CYREN: variants seen among roughly 807,000 people sequenced by gnomAD.
CYREN encodes cell cycle regulator of non-homologous end joining.
Under a neutral mutation model 9.7 loss-of-function variants are expected in CYREN, and 7 were observed. The ratio of observed to expected loss-of-function variants is 0.72; its 90% CI spans 0.41 to 1.36. CYREN has a LOEUF of 1.36. Among genes scored for constraint, CYREN ranks in the 40% most tolerant of loss-of-function variants. CYREN has a pLI of 0.01. For synonymous variants in CYREN, 76 were observed against 77.9 expected (o/e 0.98, Z 0.13); for missense variants, 215 against 198.1 (o/e 1.09, Z -0.51).
chr7:135,115,460 G>A, intron 2 of CYREN: 1 of 1,549,534 alleles, frequency 6.5e-7, no homozygotes, highest in Non-Finnish European at 8.7e-7. Context: ...TTGGACAGAT[G>A]ATGAAAAAAG....
At chr7:135,099,843 T>G (rs1823497549) in intron 2 of CYREN, 1 of 151,854 alleles carries the variant, frequency 6.6e-6, no homozygotes. Flanking sequence ...AGTTAGATAT[T>G]TATTTCTGTG....
chr7:135,110,566 C>A (rs1049459091), intron 2 of CYREN, among the ~76,000 whole-genome samples: 1 of 152,172 alleles, frequency 6.6e-6, no homozygotes, highest in Non-Finnish European at 1.5e-5. Context: ...CACTCACTGA[C>A]TCACCCCTTC....
intron 2 of CYREN, among the ~76,000 whole-genome samples, chr7:135,096,436 A>C: frequency 6.6e-6 from 1 of 151,908 alleles, no homozygotes. Flanking sequence ...AGAAAGAGAT[A>C]TATATGGCTA....
Position 135,107,726 on chromosome 7 carries a change from C to A in CYREN, n.357-13144G>T, listed in dbSNP as rs192177019. 1.3e-3 allele frequency among the ~76,000 whole-genome samples: 199 copies of A among 152,218 alleles called. 1 individual carries two copies. The highest frequency in any genetic ancestry group is 6.8e-3 in the Middle Eastern group (2 of 294). On this transcript the variant is annotated intron_variant and non_coding_transcript_variant, in intron 2 of 2. Coordinates refer to the CYREN transcript ENST00000459937. ...GATGGAGAGTTCTGTAGATGTCTAT[C>A]AGATCTATTTGGTCCAATGTTGGAT... is the stretch of plus-strand genomic sequence containing the variant.
chr7:135,156,584 T>C (rs976554985), intron 2 of CYREN, among the ~76,000 whole-genome samples: 2 of 152,162 alleles, frequency 1.3e-5, no homozygotes, highest in Non-Finnish European at 2.9e-5. Flanking sequence ...GTCTATCTCC[T>C]TGATAAATTT....
intron 2 of CYREN, among the ~76,000 whole-genome samples, chr7:135,148,554 G>A (rs376943495): frequency 2.8e-4 from 43 of 152,210 alleles, no homozygotes; most frequent in East Asian, 1.2e-3. Flanking sequence ...AAACGATGCA[G>A]GGCTGACTGC....
In CYREN at chr7:135,151,325, T is replaced by C. The variant is rs964729684; in HGVS notation, n.356+17424A>G. Among the ~76,000 whole-genome samples, 1 of 152,152 alleles carries C rather than the reference T, an allele frequency of 6.6e-6. No homozygotes were observed. The highest frequency in any genetic ancestry group is 1.5e-5 in the Non-Finnish European group (1 of 68,020). ...GGACTCATGTTTCTACCAAAGGAAA[T>C]ATGACACATTTCCCTTTCTTCTTCC... On this transcript the variant is annotated intron_variant and non_coding_transcript_variant, in intron 2 of 2. Coordinates refer to the CYREN transcript ENST00000459937. This position sits in a 1 kb window ranked among gnomAD's most constrained non-coding sequence, Gnocchi z 4.3.
At chr7:135,109,727 G>A (rs1304809188) in intron 2 of CYREN, among the ~76,000 whole-genome samples, 1 of 152,232 alleles carries the variant, frequency 6.6e-6, no homozygotes, top group East Asian at 1.9e-4. Flanking sequence ...ATGGGATCCA[G>A]TGCCTGTGTG....
intron 2 of CYREN, among the ~76,000 whole-genome samples, chr7:135,126,699 C>T (rs1009925398): frequency 2.0e-5 from 3 of 152,178 alleles, no homozygotes; most frequent in African/African-American, 7.2e-5. Flanking sequence ...GAACGGAGAC[C>T]TCAGAAATAA....
At chr7:135,159,034 TAA>T (rs1364146926) in intron 2 of CYREN, among the ~76,000 whole-genome samples, 1 of 152,270 alleles carries the variant, frequency 6.6e-6, no homozygotes, top group African/African-American at 2.4e-5. Flanking sequence ...GCCAAGATTA[TAA>T]AAGTTTGTTT....
intron 2 of CYREN, among the ~76,000 whole-genome samples, chr7:135,096,558 A>AAGAAAGATAGATAGATAGATAGAT (rs1303741491): frequency 1.3e-4 from 10 of 79,782 alleles, no homozygotes; most frequent in East Asian, 6.1e-4. Flanking sequence ...GAAAGAAAGA[A>AAGAAAGATAGATAGATAGATAGAT]AGATAGATAG....
intron 2 of CYREN, among the ~76,000 whole-genome samples, chr7:135,127,210 A>G (rs529457376): frequency 6.6e-6 from 1 of 151,840 alleles, no homozygotes; most frequent in African/African-American, 2.4e-5. Flanking sequence ...TGGGCAAAGG[A>G]TATGAAGACG....
rs1415378256 is a variant in CYREN at position 135,151,303 on chromosome 7, C to G, written n.356+17446G>C. On this transcript the variant is annotated intron_variant and non_coding_transcript_variant, in intron 2 of 2. Transcript: ENST00000459937. This position sits in a 1 kb window ranked among gnomAD's most constrained non-coding sequence, Gnocchi z 4.3. ...GTTTTGAAAAGAATTAGAACCTGGACTCATGTTTCTACCAAAGGAAATATG... is the reference window on the plus strand; with the variant it reads ...GTTTTGAAAAGAATTAGAACCTGGAGTCATGTTTCTACCAAAGGAAATATG... 6.6e-6 allele frequency among the ~76,000 whole-genome samples: 1 copy of G among 152,174 alleles called. No individual in the cohort carries two copies. Among genetic ancestry groups the G allele is most frequent in the African/African-American group, 2.4e-5 (1 of 41,450 alleles).
At chr7:135,122,810 C>T (rs112461391) in intron 2 of CYREN, among the ~76,000 whole-genome samples, 2 of 151,986 alleles carry the variant, frequency 1.3e-5, no homozygotes, top group African/African-American at 4.8e-5. Flanking sequence ...GGGACCTGAC[C>T]AATGAAAGAA....
At chr7:135,095,021 G>A (rs974702876) in intron 2 of CYREN, among the ~76,000 whole-genome samples, 2 of 152,170 alleles carry the variant, frequency 1.3e-5, no homozygotes, top group African/African-American at 4.8e-5. Flanking sequence ...TTCATCAGCA[G>A]TTCAACATGG....
chr7:135,106,709 AG>A (rs1188948588), intron 2 of CYREN, among the ~76,000 whole-genome samples: 6 of 152,208 alleles, frequency 3.9e-5, no homozygotes, highest in Non-Finnish European at 8.8e-5. Flanking sequence ...TTTTGGTATC[AG>A]GATAATGCTG....
At position 135,167,103 on chromosome 7, in the gene CYREN, G is replaced by T. The variant is rs1830217153; in HGVS notation, c.214-232C>A. 11 of 985,206 alleles carry T rather than the reference G, an allele frequency of 1.1e-5. No individual in the cohort carries two copies. The South Asian group carries it at 3.3e-4, about 29-fold the overall frequency. 61.0% of individuals were successfully genotyped at this position (985,206 alleles called of 1,614,324 possible). On this transcript the variant is annotated intron_variant, in intron 3 of 3. Transcript: ENST00000393114. ...CCCACTCGGGAGAGAAGCAAGCAAA[G>T]GCATGAGGATTAGCTGAGGGGAAAG...
chr7:135,096,512 A>G (rs1822743442), intron 2 of CYREN, among the ~76,000 whole-genome samples: 1 of 147,986 alleles, frequency 6.8e-6, no homozygotes, highest in Admixed American at 6.8e-5. Context: ...ACATCACCAA[A>G]AAAGAAAAAG....
chr7:135,133,817 T>C (rs1173807227), intron 2 of CYREN, among the ~76,000 whole-genome samples: 1 of 152,090 alleles, frequency 6.6e-6, no homozygotes, highest in Non-Finnish European at 1.5e-5. Flanking sequence ...AAACTGGAAA[T>C]AATCTATATG....
Sources: gnomAD v4.1 joint callset for allele counts (sites outside exome capture counted in the v4.1 genomes callset) on GRCh38, gnomAD v4.1.1 for gene constraint, Gnocchi (gnomAD v3.1) non-coding constraint, MANE v1.5 for transcripts, NCBI Gene and HGNC (gene_info 2026-07-23, HGNC 2026-07-21) for gene names.